The following RABGAP1 variants were observed in gnomAD, a reference collection of about 807,000 sequenced individuals.
The protein encoded by RABGAP1 is rab GTPase-activating protein 1.
Under a neutral mutation model 137.6 loss-of-function variants are expected in RABGAP1, and 23 were observed. That is an observed-to-expected ratio of 0.17 (90% CI 0.12 to 0.24). The LOEUF (loss-of-function observed/expected upper bound fraction) is 0.24. Ranked by LOEUF, RABGAP1 falls within the 10% of genes least tolerant of loss-of-function variation. RABGAP1 has a pLI of 1.00. For missense variants in RABGAP1, 906 were observed against 1,275.8 expected, an observed-to-expected ratio of 0.71 and a Z score of 4.42; for synonymous variants, 451 against 450.7, an observed-to-expected ratio of 1.00 and a Z score of -0.01.
chr9:122,968,367 C>T (rs1400996731), intron 2 of RABGAP1, among the ~76,000 whole-genome samples: 3 of 150,380 alleles, frequency 2.0e-5, no homozygotes, highest in African/African-American at 2.4e-5. Flanking sequence ...GGACAGTAGG[C>T]GTGCACCACT....
intron 13 of RABGAP1, among the ~76,000 whole-genome samples, chr9:123,022,041 T>C (rs2031673196): frequency 6.6e-6 from 1 of 152,268 alleles, no homozygotes; most frequent in South Asian, 2.1e-4. Context: ...TAAGGTTATA[T>C]AACATGTATA....
At chr9:123,010,942 A>C (rs2030749219) in intron 11 of RABGAP1, among the ~76,000 whole-genome samples, 1 of 151,854 alleles carries the variant, frequency 6.6e-6, no homozygotes, top group African/African-American at 2.4e-5. Flanking sequence ...ATTTATAAAT[A>C]TATACGTTTA....
chr9:123,017,029 A>C (rs2031282635), intron 12 of RABGAP1, among the ~76,000 whole-genome samples: 1 of 152,240 alleles, frequency 6.6e-6, no homozygotes, highest in Non-Finnish European at 1.5e-5. Flanking sequence ...CTGCAAAAAA[A>C]CCAGAGTAAT....
intron 13 of RABGAP1, among the ~76,000 whole-genome samples, chr9:123,033,075 T>C (rs1295284616): frequency 6.6e-6 from 1 of 152,196 alleles, no homozygotes; most frequent in Non-Finnish European, 1.5e-5. Flanking sequence ...GGAGATACTT[T>C]ATTTTTCTCT....
At chr9:123,000,211 C>T (rs917974781) in intron 10 of RABGAP1, among the ~76,000 whole-genome samples, 1 of 151,914 alleles carries the variant, frequency 6.6e-6, no homozygotes, top group South Asian at 2.1e-4. Flanking sequence ...ATTGTAGAGA[C>T]TGTATTCTGT....
At position 123,045,665 on chromosome 9, in the gene RABGAP1, G is replaced by C. The variant is rs541915183; in HGVS notation, c.1795-19683G>C. 9.8e-5 allele frequency among the ~76,000 whole-genome samples: 15 copies of C among 152,294 alleles called. No homozygotes were observed. In the South Asian group the frequency reaches 3.1e-3, roughly 32 times the overall value. On this transcript the variant is annotated intron_variant, in intron 13 of 25. Coordinates refer to ENST00000373647, the MANE Select transcript of RABGAP1 (RefSeq NM_012197.4). Reference sequence around the variant, plus strand: ...TATTATAGGAGTTGGTTTAAGATCAGTTGCATATTATGTTAATAGTAAGGC... The same window carrying C: ...TATTATAGGAGTTGGTTTAAGATCACTTGCATATTATGTTAATAGTAAGGC...
intron 22 of RABGAP1, among the ~76,000 whole-genome samples, chr9:123,098,433 GAAGGTCC>G (rs1395974271): frequency 6.6e-6 from 1 of 152,238 alleles, no homozygotes; most frequent in East Asian, 1.9e-4. Flanking sequence ...GTCTGTCAGT[GAAGGTCC>G]ACAGGTTGGC....
intron 13 of RABGAP1, chr9:123,062,012 T>G (rs1263962872): frequency 6.6e-6 from 1 of 152,250 alleles, no homozygotes; most frequent in Non-Finnish European, 1.5e-5. Context: ...AGCTTACAGC[T>G]GTAATCCCAA....
intron 24 of RABGAP1, among the ~76,000 whole-genome samples, chr9:123,099,991 A>AT (rs762244908): frequency 1.3e-4 from 20 of 151,180 alleles, no homozygotes; most frequent in South Asian, 4.2e-4. Flanking sequence ...GTTTATTTTT[A>AT]TTTTTTTTTA....
upstream of RABGAP1, among the ~76,000 whole-genome samples, chr9:122,936,853 A>G (rs936004010): frequency 6.6e-6 from 1 of 152,256 alleles, no homozygotes; most frequent in African/African-American, 2.4e-5. Context: ...AAGCTACTGC[A>G]TATAACCAGG....
chr9:122,945,393 A>G (rs1833895914), intron 1 of RABGAP1: 1 of 152,068 alleles, frequency 6.6e-6, no homozygotes, highest in Non-Finnish European at 1.5e-5. Flanking sequence ...GTGGCCTGAA[A>G]GTTTCCCTCC....
rs754894722 is a variant in RABGAP1, at chr9:122,996,597, T to C, written c.1093T>C (p.Leu365=). 12 of 1,601,378 alleles carry C rather than the reference T, an allele frequency of 7.5e-6. No homozygotes were observed. Among genetic ancestry groups the C allele is most frequent in the South Asian group, 2.2e-5 (2 of 89,250 alleles). ...TGTACGAAATAGTGACATGCACTTA[T>C]TAGATTTGGTAAGAATTTATTTTTA... The part of the protein sequence containing the change: ...KDVRNSDMHL[L]DLESMGKSSD... Residue 365 remains leucine, a synonymous_variant, in exon 8 of 26, where the codon TTA becomes CTA. Coordinates refer to ENST00000373647, the MANE Select transcript of RABGAP1 (RefSeq NM_012197.4).
chr9:123,076,114 G>C, intron 17 of RABGAP1, 131 bp from the exon 18 acceptor site: 2 of 913,242 alleles, frequency 2.2e-6, no homozygotes, highest in Non-Finnish European at 3.3e-6. Context: ...ATTTTTCAAG[G>C]TAGTTCTGAG....
At chr9:123,015,356 A>G (rs1277851887) in intron 11 of RABGAP1, among the ~76,000 whole-genome samples, 187 bp from the exon 12 acceptor site, 1 of 151,144 alleles carries the variant, frequency 6.6e-6, no homozygotes, top group Non-Finnish European at 1.5e-5. Flanking sequence ...AGAGAATTAA[A>G]GAGGTTACAG....
intron 1 of RABGAP1, among the ~76,000 whole-genome samples, chr9:122,949,457 T>C (rs951074811): frequency 6.6e-6 from 1 of 152,004 alleles, no homozygotes; most frequent in Non-Finnish European, 1.5e-5. Flanking sequence ...GAGGTTACAG[T>C]GAGCTGAGAT....
rs374713384 is a variant in RABGAP1, at chr9:123,065,473, C to T, written c.1908+12C>T. 3 of 1,163,322 alleles carry T rather than the reference C, an allele frequency of 2.6e-6. No homozygotes were observed. The highest frequency in any genetic ancestry group is 3.6e-6 in the Non-Finnish European group (3 of 837,552). 72.1% of individuals were successfully genotyped at this position (1,163,322 alleles called of 1,614,324 possible). On this transcript the variant is annotated intron_variant, in intron 14 of 25. Transcript: ENST00000373647. Reference sequence around the variant, plus strand: ...ATAAAATATGCAAGGTATTTCATGTCAAAAAAAAAAAGGACTCAATTCTGA... The same window carrying T: ...ATAAAATATGCAAGGTATTTCATGTTAAAAAAAAAAAGGACTCAATTCTGA...
At chr9:123,078,401 G>C (rs184817033) in intron 19 of RABGAP1, among the ~76,000 whole-genome samples, 1 of 152,136 alleles carries the variant, frequency 6.6e-6, no homozygotes, top group Non-Finnish European at 1.5e-5. Flanking sequence ...TATATGTGGG[G>C]ATTAGCGACG....
At chr9:123,034,314 A>C (rs1383589969) in intron 13 of RABGAP1, 1 of 530,806 alleles carries the variant, frequency 1.9e-6, no homozygotes, top group Non-Finnish European at 3.3e-6. Context: ...GTGTATGGTG[A>C]ACCTGGCACT....
chr9:123,001,526 T>G (rs543702131), intron 10 of RABGAP1, among the ~76,000 whole-genome samples: 4 of 152,310 alleles, frequency 2.6e-5, no homozygotes, highest in South Asian at 2.1e-4. Flanking sequence ...GGACACTTAT[T>G]TTCAGTGTTG....
Sources: gnomAD v4.1 joint callset for allele counts (sites outside exome capture counted in the v4.1 genomes callset) on GRCh38, gnomAD v4.1.1 for gene constraint, MANE v1.5 for transcripts, NCBI Gene and HGNC (gene_info 2026-07-23, HGNC 2026-07-21) for gene names.